TMX4: variants seen among roughly 807,000 people sequenced by gnomAD.
TMX4 encodes thioredoxin related transmembrane protein 4.
TMX4 carries 23 observed loss-of-function variants against 33.3 expected under a neutral mutation model. The ratio of observed to expected loss-of-function variants is 0.69; its 90% CI spans 0.50 to 0.98. The LOEUF is 0.98. TMX4 is among the 50% of genes least tolerant of loss of function. The pLI, the probability that TMX4 is intolerant of heterozygous loss-of-function variation, is 0.00. For synonymous variants in TMX4, 164 were observed against 161.5 expected (o/e 1.02, Z -0.12); for missense variants, 399 against 448.9 (o/e 0.89, Z 1.01).
intron 5 of TMX4, 99 bp downstream of exon 5, chr20:7,995,927 T>C: frequency 9.7e-7 from 1 of 1,034,816 alleles, no homozygotes; most frequent in South Asian, 1.5e-5. Context: ...AGTGAAATTA[T>C]AAATGTACTT....
intron 3 of TMX4, among the ~76,000 whole-genome samples, chr20:8,000,694 T>A (rs1285990983): frequency 6.6e-6 from 1 of 152,154 alleles, no homozygotes; most frequent in Non-Finnish European, 1.5e-5. Context: ...ACATGTTCTC[T>A]CTAGATATAT....
At chr20:7,999,710 T>G in intron 4 of TMX4, 22 bp downstream of exon 4, 1 of 1,606,096 alleles carries the variant, frequency 6.2e-7, no homozygotes, top group Non-Finnish European at 8.5e-7. Flanking sequence ...TAGTAACACC[T>G]TGTCTTAAAA....
rs150615250 is a variant in TMX4, at chr20:7,978,410, G to A, written c.*3841C>T. 6.6e-6 allele frequency: 1 copy of A among 152,230 alleles called. No homozygotes were observed. The highest frequency in any genetic ancestry group is 1.9e-4 in the East Asian group (1 of 5,182). 9.4% of individuals were successfully genotyped at this position (152,230 alleles called of 1,614,324 possible). The stretch of plus-strand genomic sequence containing the variant: ...TGCATTTGGTAATAAAAAGTCACAT[G>A]GTAAGTATTTGCCTTAAAAATGACT... On this transcript the variant is annotated 3_prime_UTR_variant, in exon 8 of 8. Transcript: ENST00000246024.
chr20:8,016,529 G>T (rs1396194428), intron 1 of TMX4, among the ~76,000 whole-genome samples: 1 of 152,096 alleles, frequency 6.6e-6, no homozygotes, highest in Non-Finnish European at 1.5e-5. Context: ...AAATTCAATT[G>T]CAAGAATCCA....
chr20:7,982,907 A>C (rs1212574972), intron 7 of TMX4, among the ~76,000 whole-genome samples: 1 of 152,222 alleles, frequency 6.6e-6, no homozygotes, highest in African/African-American at 2.4e-5. Flanking sequence ...TAGAAAGCTC[A>C]GTGACCCTAT....
At chr20:7,998,691 C>T (rs539465040) in intron 4 of TMX4, among the ~76,000 whole-genome samples, 5 of 152,212 alleles carry the variant, frequency 3.3e-5, no homozygotes, top group Non-Finnish European at 7.3e-5. Context: ...AAGCTCCTTT[C>T]CAAACTGGGG....
chr20:7,982,352 C>G lies in TMX4; in HGVS notation c.949G>C (p.Ala317Pro). The change falls in exon 8 of 8, where the codon GCT becomes CCT. Residue 317 changes from alanine to proline, a missense_variant. Transcript: ENST00000246024. ...VTREEVEPEE[A>P]EEGISEQPCP... Reference sequence around the variant, plus strand: ...GGTTGCTCAGAGATGCCTTCTTCAGCCTCCTCAGGCTCTACTTCCTCCCGG... The same window carrying G: ...GGTTGCTCAGAGATGCCTTCTTCAGGCTCCTCAGGCTCTACTTCCTCCCGG... The G allele has an allele frequency of 6.2e-7, 1 of 1,614,120 alleles. No homozygotes were observed. Among genetic ancestry groups the G allele is most frequent in the Non-Finnish European group, 8.5e-7 (1 of 1,180,030 alleles).
At position 7,982,304 on chromosome 20, in the gene TMX4, C is replaced by T; in HGVS notation, c.997G>A (p.Val333Met). Residue 333 changes from valine (V) to methionine (M), a missense_variant, in exon 8 of 8, where the codon GTG becomes ATG. By Grantham distance (21) the Val-to-Met change is conservative. Coordinates refer to ENST00000246024, the MANE Select transcript of TMX4 (RefSeq NM_021156.4). ...TTACGCTGCCTCAAGGAGTCTTCCA[C>T]CACCTCTGTGTCAGCTGGGCAGGGT... Reference protein sequence around the residue: ...EQPCPADTEVVEDSLRQRKSQ... With the variant: ...EQPCPADTEVMEDSLRQRKSQ... 1 of 1,614,130 alleles carries T rather than the reference C, an allele frequency of 6.2e-7. No individual in the cohort carries two copies. Among genetic ancestry groups the T allele is most frequent in the Non-Finnish European group, 8.5e-7 (1 of 1,180,024 alleles).
chr20:8,001,659 A>AT (rs931227721), intron 2 of TMX4, 118 bp from the exon 3 acceptor site: 98 of 993,840 alleles, frequency 9.9e-5, no homozygotes, highest in Non-Finnish European at 1.3e-4. Flanking sequence ...CACATTTACT[A>AT]TTTTTTTTGA....
Position 7,977,725 on chromosome 20 carries a change from T to C in TMX4, c.*4526A>G, listed in dbSNP as rs952501881. 2 of 152,252 alleles carry C rather than the reference T, an allele frequency of 1.3e-5. No individual in the cohort carries two copies. Among genetic ancestry groups the C allele is most frequent in the Non-Finnish European group, 2.9e-5 (2 of 68,040 alleles). 9.4% of individuals were successfully genotyped at this position (152,252 alleles called of 1,614,324 possible). ...ACAACAAATTTATAACATATTGCATTGCAAATAAGCAATGTTTTTAGTATA... is the reference window on the plus strand; with the variant it reads ...ACAACAAATTTATAACATATTGCATCGCAAATAAGCAATGTTTTTAGTATA... On this transcript the variant is annotated 3_prime_UTR_variant, in exon 8 of 8. Coordinates refer to ENST00000246024, the MANE Select transcript of TMX4 (RefSeq NM_021156.4).
At chr20:7,987,204 G>T in intron 6 of TMX4, 84 bp downstream of exon 6, 2 of 975,156 alleles carry the variant, frequency 2.1e-6, no homozygotes, top group Non-Finnish European at 3.1e-6. Flanking sequence ...TTTTTTATGT[G>T]CTTTTTCTTT....
chr20:8,001,558 C>T lies in TMX4; in HGVS notation c.293-17G>A. 6.3e-7 allele frequency: 1 copy of T among 1,593,882 alleles called. No individual in the cohort carries two copies. Among genetic ancestry groups the T allele is most frequent in the Non-Finnish European group, 8.6e-7 (1 of 1,167,770 alleles). On this transcript the variant is annotated splice_polypyrimidine_tract_variant and intron_variant, in intron 2 of 7. Coordinates refer to ENST00000246024, the MANE Select transcript of TMX4 (RefSeq NM_021156.4). ...CACTCAAACCTACAAGAAGCATAAA[C>T]AGAACAAAAGTTACACTTAAGTCCT... is the stretch of plus-strand genomic sequence containing the variant.
At chr20:8,019,307 G>A in intron 1 of TMX4, 131 bp downstream of exon 1, 1 of 1,149,642 alleles carries the variant, frequency 8.7e-7, no homozygotes, top group Non-Finnish European at 1.2e-6. Context: ...GCCGCAGGTT[G>A]TTGGCAAGCC....
intron 6 of TMX4, among the ~76,000 whole-genome samples, chr20:7,985,556 A>G (rs530656372): frequency 6.6e-6 from 1 of 152,226 alleles, no homozygotes; most frequent in African/African-American, 2.4e-5. Flanking sequence ...TACAGGCCTG[A>G]GCCACTGTGC....
At chr20:8,013,479 A>G (rs1282444013) in intron 1 of TMX4, among the ~76,000 whole-genome samples, 2 of 152,230 alleles carry the variant, frequency 1.3e-5, no homozygotes, top group African/African-American at 4.8e-5. Flanking sequence ...AAGCTCTGGT[A>G]AATTACACCA....
At chr20:7,996,158 C>A in intron 4 of TMX4, 87 bp from the exon 5 acceptor site, 1 of 1,055,020 alleles carries the variant, frequency 9.5e-7, no homozygotes. Flanking sequence ...GGTCTATTTC[C>A]CTCCACTTCT....
chr20:7,998,004 C>T (rs756895241), intron 4 of TMX4, among the ~76,000 whole-genome samples: 9 of 152,130 alleles, frequency 5.9e-5, no homozygotes, highest in Non-Finnish European at 1.3e-4. Flanking sequence ...TCTCTTGCTC[C>T]TACTCTGGCC....
Position 7,982,545 on chromosome 20 carries a change from AT to A in TMX4, c.755del (p.Asn252MetfsTer10). On this transcript the variant is annotated frameshift_variant, in exon 8 of 8. Coordinates refer to ENST00000246024, the MANE Select transcript of TMX4 (RefSeq NM_021156.4). LOFTEE classifies it low-confidence loss of function (END_TRUNC). ...QDAEEEKDDS[N>X]EEENKDSLVD... ...CAAGGCTGTCTTTGTTTTCTTCTTC[AT>A]TTGAATCATCTTTTTCCTCCTCCGC... 1.9e-6 allele frequency: 3 copies of A among 1,613,642 alleles called. No individual in the cohort carries two copies. The highest frequency in any genetic ancestry group is 2.5e-6 in the Non-Finnish European group (3 of 1,179,886).
intron 6 of TMX4, among the ~76,000 whole-genome samples, chr20:7,986,349 T>C (rs1281626284): frequency 6.6e-6 from 1 of 152,182 alleles, no homozygotes; most frequent in Non-Finnish European, 1.5e-5. Flanking sequence ...TCGAGCCTCC[T>C]TGGCCTCTTG....
Sources: gnomAD v4.1 joint callset for allele counts (sites outside exome capture counted in the v4.1 genomes callset) on GRCh38, gnomAD v4.1.1 for gene constraint, MANE v1.5 for transcripts, NCBI Gene and HGNC (gene_info 2026-07-23, HGNC 2026-07-21) for gene names.